Variants in EXOC6 observed in about 807,000 individuals in gnomAD.
EXOC6 encodes the protein SEC15-like 1.
In EXOC6, 60 loss-of-function variants were observed where a neutral mutation model predicts 112.5. That is an observed-to-expected ratio of 0.53 (90% CI 0.43 to 0.66). The LOEUF (loss-of-function observed/expected upper bound fraction) is 0.66. Ranked by LOEUF, EXOC6 falls within the 30% of genes least tolerant of loss-of-function variation. The pLI is 0.00. For synonymous variants in EXOC6, 295 were observed against 308.0 expected, an observed-to-expected ratio of 0.96 and a Z score of 0.44; for missense variants, 855 against 957.1, an observed-to-expected ratio of 0.89 and a Z score of 1.41.
chr10:92,912,338 C>T (rs1823036464), intron 6 of EXOC6, among the ~76,000 whole-genome samples: 2 of 152,024 alleles, frequency 1.3e-5, no homozygotes, highest in Non-Finnish European at 2.9e-5. Context: ...TATTTGTTCC[C>T]AGGCGGATCA....
At chr10:92,986,223 T>A (rs949983359) in intron 18 of EXOC6, among the ~76,000 whole-genome samples, 1 of 152,210 alleles carries the variant, frequency 6.6e-6, no homozygotes, top group African/African-American at 2.4e-5. Context: ...ATCTTAACTT[T>A]GTGGCCTTTA....
At chr10:92,882,349 G>C (rs1380527064) in intron 1 of EXOC6, among the ~76,000 whole-genome samples, 1 of 151,998 alleles carries the variant, frequency 6.6e-6, no homozygotes, top group Non-Finnish European at 1.5e-5. Flanking sequence ...TTCGAGACCA[G>C]CCTGGTCAAC....
intron 20 of EXOC6, among the ~76,000 whole-genome samples, chr10:93,034,968 C>T (rs542211821): frequency 6.6e-6 from 1 of 152,290 alleles, no homozygotes; most frequent in African/African-American, 2.4e-5. Flanking sequence ...GGACAACAAG[C>T]TTGTTCACAC....
chr10:93,024,393 T>G, intron 20 of EXOC6, among the ~76,000 whole-genome samples: 1 of 152,162 alleles, frequency 6.6e-6, no homozygotes, highest in East Asian at 1.9e-4. Context: ...GCACTTTATA[T>G]TTTAACCCCT....
chr10:93,012,374 A>G (rs1844289264), intron 19 of EXOC6, among the ~76,000 whole-genome samples: 1 of 152,210 alleles, frequency 6.6e-6, no homozygotes, highest in Non-Finnish European at 1.5e-5. Context: ...TAATAGAACA[A>G]AAAAACAGCT....
intron 19 of EXOC6, among the ~76,000 whole-genome samples, chr10:92,997,880 C>G (rs1194598368): frequency 6.6e-6 from 1 of 152,102 alleles, no homozygotes; most frequent in African/African-American, 2.4e-5. Context: ...CCCCATTATT[C>G]CTTGTCTGGT....
chr10:93,037,144 C>CTTTTTTTTT (rs745466359), intron 20 of EXOC6, among the ~76,000 whole-genome samples: 1 of 139,386 alleles, frequency 7.2e-6, no homozygotes, highest in African/African-American at 2.6e-5. Flanking sequence ...TCTTCTTCTA[C>CTTTTTTTTT]TTTTTTTTTT....
At chr10:92,969,831 TTATAGGCG>T (rs1842212899) in intron 17 of EXOC6, among the ~76,000 whole-genome samples, 3 of 152,094 alleles carry the variant, frequency 2.0e-5, no homozygotes, top group Admixed American at 2.0e-4. Flanking sequence ...GTAGCTGGGA[TTATAGGCG>T]TACACCACCA....
intron 20 of EXOC6, among the ~76,000 whole-genome samples, chr10:93,041,083 T>C (rs1337070491): frequency 6.6e-6 from 1 of 152,218 alleles, no homozygotes; most frequent in Non-Finnish European, 1.5e-5. Context: ...TCTTCCCTTA[T>C]TCTCAAATCA....
intron 20 of EXOC6, among the ~76,000 whole-genome samples, chr10:93,014,912 TTTTA>T (rs1456212377): frequency 6.6e-6 from 1 of 152,198 alleles, no homozygotes; most frequent in African/African-American, 2.4e-5. Flanking sequence ...CTTTATTTTT[TTTTA>T]TTCTTTTCCT....
At chr10:92,844,769 T>A (rs923269663), upstream of EXOC6, among the ~76,000 whole-genome samples, 1 of 152,220 alleles carries the variant, frequency 6.6e-6, no homozygotes, top group Non-Finnish European at 1.5e-5. Context: ...TCTTTAATCC[T>A]CACATAATTT....
intron 12 of EXOC6, among the ~76,000 whole-genome samples, chr10:92,937,349 C>T (rs1414952584): frequency 6.6e-6 from 1 of 152,144 alleles, no homozygotes; most frequent in African/African-American, 2.4e-5. Context: ...GATGATTATG[C>T]AGCATTTTCC....
intron 1 of EXOC6, among the ~76,000 whole-genome samples, chr10:92,865,626 T>A (rs902903748): frequency 1.7e-4 from 26 of 151,934 alleles, no homozygotes; most frequent in African/African-American, 6.0e-4. Flanking sequence ...ATTTTTTTTT[T>A]AGTAGAGACA....
chr10:93,038,161 T>G (rs1481725894), intron 20 of EXOC6, among the ~76,000 whole-genome samples: 1 of 152,052 alleles, frequency 6.6e-6, no homozygotes, highest in Non-Finnish European at 1.5e-5. Context: ...AGTTTAAATA[T>G]TTAAATGCTT....
intron 18 of EXOC6, among the ~76,000 whole-genome samples, chr10:92,996,408 C>T (rs184727757): frequency 3.9e-5 from 6 of 152,144 alleles, no homozygotes; most frequent in Admixed American, 3.9e-4. Flanking sequence ...ATCACAAGGT[C>T]AGATCGAGAC....
intron 1 of EXOC6, among the ~76,000 whole-genome samples, chr10:92,854,592 C>T (rs1314568734): frequency 1.3e-5 from 2 of 152,084 alleles, no homozygotes; most frequent in East Asian, 3.8e-4. Context: ...TTATCAGATG[C>T]TTTTTTCTGT....
chr10:92,887,778 A>G (rs1849298256), intron 1 of EXOC6, among the ~76,000 whole-genome samples: 2 of 152,216 alleles, frequency 1.3e-5, no homozygotes, highest in Admixed American at 1.3e-4. Flanking sequence ...ACATAGATCT[A>G]GGAACTTTCT....
intron 19 of EXOC6, among the ~76,000 whole-genome samples, chr10:92,999,042 T>G (rs1355246551): frequency 6.6e-6 from 1 of 152,046 alleles, no homozygotes; most frequent in African/African-American, 2.4e-5. Context: ...CAGCTAATTT[T>G]TGTATTTTTA....
chr10:92,839,027 C>T (rs940163963), intron 1 of EXOC6, among the ~76,000 whole-genome samples: 8 of 151,726 alleles, frequency 5.3e-5, no homozygotes, highest in Non-Finnish European at 1.0e-4. Flanking sequence ...AAGCCGAGAT[C>T]GGGCCACTGC....
Sources: allele counts gnomAD v4.1 joint callset (sites outside exome capture counted in the v4.1 genomes callset), GRCh38; gene constraint gnomAD v4.1.1; transcripts MANE v1.5; gene names NCBI Gene and HGNC (gene_info 2026-07-23, HGNC 2026-07-21).